Variants in COL11A1 observed in about 807,000 individuals in gnomAD.
COL11A1 encodes the protein collagen type XI alpha 1 chain, also known as collagen alpha-1(XI) chain.
In COL11A1, 74 loss-of-function variants were observed where a neutral mutation model predicts 265.2. That is an observed-to-expected ratio of 0.28 (90% CI 0.23 to 0.34). The LOEUF is 0.34. COL11A1 is among the 10% of genes least tolerant of loss of function. The probability of loss-of-function intolerance (pLI) is 1.00; values close to 1 mark genes in which losing one functional copy is unlikely to be tolerated. For synonymous variants in COL11A1, 816 were observed against 727.6 expected, an observed-to-expected ratio of 1.12 and a Z score of -1.96; for missense variants, 2,165 against 2,263.6, an observed-to-expected ratio of 0.96 and a Z score of 0.88.
At chr1:102,947,978 A>G (rs1325783010) in intron 41 of COL11A1, among the ~76,000 whole-genome samples, 1 of 151,856 alleles carries the variant, frequency 6.6e-6, no homozygotes, top group Non-Finnish European at 1.5e-5. Context: ...AATAATTAAC[A>G]TACTTAGATA....
intron 4 of COL11A1, among the ~76,000 whole-genome samples, chr1:103,053,976 C>A (rs2102153676): frequency 6.6e-6 from 1 of 152,180 alleles, no homozygotes; most frequent in South Asian, 2.1e-4. Flanking sequence ...TGCAGTGAGG[C>A]TTTATATTAT....
chr1:102,906,785 A>G (rs1486778591), intron 54 of COL11A1, among the ~76,000 whole-genome samples: 1 of 151,966 alleles, frequency 6.6e-6, no homozygotes, highest in Non-Finnish European at 1.5e-5. Context: ...GTTATTGACT[A>G]AATTAACTAG....
At chr1:103,052,005 T>C (rs1669872718) in intron 4 of COL11A1, among the ~76,000 whole-genome samples, 1 of 152,198 alleles carries the variant, frequency 6.6e-6, no homozygotes, top group Non-Finnish European at 1.5e-5. Flanking sequence ...TATCACCTAT[T>C]TGTTACCTAT....
chr1:102,932,723 G>A (rs1433063371), intron 46 of COL11A1, among the ~76,000 whole-genome samples: 1 of 151,260 alleles, frequency 6.6e-6, no homozygotes, highest in Non-Finnish European at 1.5e-5. Flanking sequence ...TCACTTTCAG[G>A]TACACCAATC....
Position 102,970,414 on chromosome 1 carries a change from A to T in COL11A1, c.2809-142T>A, listed in dbSNP as rs977320364. On this transcript the variant is annotated intron_variant, in intron 36 of 66. Transcript: ENST00000370096. ...TGCTCTTCTGTTGATTTTATATATG[A>T]TAATATGCACATATATCTCTTCAAT... 13 of 622,494 alleles carry T rather than the reference A, an allele frequency of 2.1e-5. No homozygotes were observed. In the East Asian group the frequency reaches 3.7e-4, roughly 18 times the overall value. The allele number at this position is 622,494 out of a possible 1,614,324, so 38.6% of individuals were successfully genotyped here.
Position 102,998,425 on chromosome 1 carries a change from C to T in COL11A1, c.2143-62G>A, listed in dbSNP as rs1664830529. On this transcript the variant is annotated intron_variant, in intron 24 of 66. Coordinates refer to ENST00000370096, the MANE Select transcript of COL11A1 (RefSeq NM_001854.4). ...TAATTTTAAAAAGCTTTAACGTGTA[C>T]ATATACTATGAATGAAATTCTTATC... 5 of 1,115,794 alleles carry T rather than the reference C, an allele frequency of 4.5e-6. No individual in the cohort carries two copies. The African/African-American group carries it at 6.3e-5, about 14-fold the overall frequency. 69.1% of individuals were successfully genotyped at this position (1,115,794 alleles called of 1,614,324 possible).
chr1:102,982,773 T>C (rs1368053834), intron 31 of COL11A1, among the ~76,000 whole-genome samples: 1 of 152,066 alleles, frequency 6.6e-6, no homozygotes, highest in Non-Finnish European at 1.5e-5. Context: ...GACAGTGTTA[T>C]CACGTGGCAA....
intron 1 of COL11A1, among the ~76,000 whole-genome samples, chr1:103,097,184 C>T (rs1465360282): frequency 1.3e-5 from 2 of 151,934 alleles, no homozygotes; most frequent in Admixed American, 6.6e-5. Context: ...GCTAACTTGG[C>T]AGTTTCCTTG....
chr1:103,026,411 T>C, intron 5 of COL11A1, 79 bp from the exon 6 acceptor site: 1 of 902,996 alleles, frequency 1.1e-6, no homozygotes, highest in African/African-American at 1.6e-5. Context: ...CATCTTAACT[T>C]TTACATAGTG....
At chr1:102,893,826 T>C (rs1007916235) in intron 57 of COL11A1, among the ~76,000 whole-genome samples, 3 of 152,158 alleles carry the variant, frequency 2.0e-5, no homozygotes, top group African/African-American at 4.8e-5. Flanking sequence ...TATTTAAACC[T>C]TTTTAATCAT....
At chr1:103,013,176 T>C (rs1247046870) in intron 13 of COL11A1, among the ~76,000 whole-genome samples, 3 of 152,018 alleles carry the variant, frequency 2.0e-5, no homozygotes, top group Non-Finnish European at 4.4e-5. Flanking sequence ...CACTTAGATT[T>C]ATCACAAAGA....
intron 44 of COL11A1, 33 bp from the exon 45 acceptor site, chr1:102,935,146 GTGAA>G: frequency 6.3e-7 from 1 of 1,587,598 alleles, no homozygotes; most frequent in South Asian, 1.1e-5. Context: ...AATTTTTAAA[GTGAA>G]GCCAGAAGAG....
chr1:102,956,744 T>A (rs1660405909), intron 41 of COL11A1, among the ~76,000 whole-genome samples: 1 of 151,934 alleles, frequency 6.6e-6, no homozygotes, highest in South Asian at 2.1e-4. Flanking sequence ...TCATAGGTAC[T>A]TTTGATAGTA....
chr1:102,877,744 C>T lies in COL11A1; in HGVS notation c.*275G>A. 1 of 374,242 alleles carries T rather than the reference C, an allele frequency of 2.7e-6. No homozygotes were observed. The highest frequency in any genetic ancestry group is 4.9e-6 in the Non-Finnish European group (1 of 202,392). 23.2% of individuals were successfully genotyped at this position (374,242 alleles called of 1,614,324 possible). A position where few individuals can be genotyped will look rare whatever the true frequency, so the allele number is the denominator to read the frequency against. ...TTTCTTTTTTTGTTTTCTACAGCACCAAAGAAATTCAAATAGGAAAAGGAG... is the reference window on the plus strand; with the variant it reads ...TTTCTTTTTTTGTTTTCTACAGCACTAAAGAAATTCAAATAGGAAAAGGAG... On this transcript the variant is annotated 3_prime_UTR_variant, in exon 67 of 67. Transcript: ENST00000370096.
intron 54 of COL11A1, among the ~76,000 whole-genome samples, chr1:102,910,653 A>G (rs918462560): frequency 7.2e-5 from 11 of 152,138 alleles, no homozygotes; most frequent in Non-Finnish European, 1.5e-4. Context: ...GTGCTAACAC[A>G]GCAACAGTTA....
chr1:102,892,576 T>G (rs1269625937), intron 57 of COL11A1, among the ~76,000 whole-genome samples: 1 of 152,176 alleles, frequency 6.6e-6, no homozygotes, highest in East Asian at 1.9e-4. Flanking sequence ...CTACAATTCC[T>G]ATCTCATAGA....
intron 42 of COL11A1, among the ~76,000 whole-genome samples, chr1:102,940,956 T>A (rs966094290): frequency 9.2e-5 from 14 of 152,334 alleles, no homozygotes; most frequent in African/African-American, 2.2e-4. Context: ...TGTAATTTTT[T>A]AAAAGTGCCT....
chr1:103,025,491 C>T (rs759371572), intron 7 of COL11A1, 30 bp downstream of exon 7: 4 of 1,430,266 alleles, frequency 2.8e-6, no homozygotes, highest in Admixed American at 3.3e-5. Context: ...AAAAGTGGGA[C>T]TGTGATTTAA....
intron 11 of COL11A1, among the ~76,000 whole-genome samples, chr1:103,016,726 A>G (rs1306476612): frequency 6.6e-6 from 1 of 152,014 alleles, no homozygotes; most frequent in Non-Finnish European, 1.5e-5. Context: ...TGGCAAAATT[A>G]TATTTTATTT....
Sources: allele counts gnomAD v4.1 joint callset (sites outside exome capture counted in the v4.1 genomes callset), GRCh38; gene constraint gnomAD v4.1.1; transcripts MANE v1.5; gene names NCBI Gene and HGNC (gene_info 2026-07-23, HGNC 2026-07-21).